OPCML: variants seen among roughly 807,000 people sequenced by gnomAD.
OPCML encodes opioid-binding protein/cell adhesion molecule.
Under a neutral mutation model 37.8 loss-of-function variants are expected in OPCML, and 13 were observed. That is an observed-to-expected ratio of 0.34 (90% CI 0.22 to 0.55). The LOEUF is 0.55. Ranked by LOEUF, OPCML falls within the 20% of genes least tolerant of loss-of-function variation. The probability of loss-of-function intolerance (pLI) is 0.91; values close to 1 mark genes in which losing one functional copy is unlikely to be tolerated. For synonymous variants in OPCML, 176 were observed against 168.8 expected (o/e 1.04, Z -0.33); for missense variants, 341 against 435.6 (o/e 0.78, Z 1.93).
chr11:133,133,773 C>T lies in OPCML; in HGVS notation c.62-190763G>A, dbSNP rs75852927. Among the ~76,000 whole-genome samples, 31 of 152,242 alleles carry T rather than the reference C, an allele frequency of 2.0e-4. No homozygotes were observed. In the East Asian group the frequency reaches 4.6e-3, roughly 23 times the overall value. On this transcript the variant is annotated intron_variant, in intron 1 of 7. Coordinates refer to ENST00000524381, the MANE Select transcript of OPCML (RefSeq NM_001012393.5). ...GCCTTGCCAGCCCCTTTCCCATCCA[C>T]GAGTTGCCTGTGCTCAGTGAAAATG...
Position 132,420,363 on chromosome 11 carries a change from C to T in OPCML, c.917-70G>A, listed in dbSNP as rs988155158. On this transcript the variant is annotated intron_variant, in intron 7 of 7. Transcript: ENST00000524381. Reference sequence around the variant, plus strand: ...GACACCATAGTTCTTCCCTGACAAGCAAATACACATACATGCTTCCCACCT... The same window carrying T: ...GACACCATAGTTCTTCCCTGACAAGTAAATACACATACATGCTTCCCACCT... The T allele has an allele frequency of 1.6e-5, 25 of 1,581,876 alleles. No homozygotes were observed. In the Admixed American group the frequency reaches 2.5e-4, roughly 16 times the overall value.
chr11:133,219,449 T>C (rs544428), intron 1 of OPCML, among the ~76,000 whole-genome samples: 50,737 of 151,874 alleles, frequency 0.33, 9,274 homozygotes, highest in African/African-American at 0.47. Context: ...TTGCCTAATC[T>C]AGTTAATAAA....
intron 1 of OPCML, among the ~76,000 whole-genome samples, chr11:133,237,263 T>A (rs1044407636): frequency 6.6e-6 from 1 of 152,224 alleles, no homozygotes; most frequent in Non-Finnish European, 1.5e-5. Flanking sequence ...CCAGAATTTG[T>A]ACACCCTGGG....
At chr11:133,037,251 T>C (rs1947799581) in intron 1 of OPCML, among the ~76,000 whole-genome samples, 2 of 152,356 alleles carry the variant, frequency 1.3e-5, no homozygotes, top group South Asian at 2.1e-4. Flanking sequence ...TGAGGACTTA[T>C]ATCATTCTGG....
chr11:133,223,145 G>C (rs1478002254), intron 1 of OPCML, among the ~76,000 whole-genome samples: 1 of 152,234 alleles, frequency 6.6e-6, no homozygotes, highest in Non-Finnish European at 1.5e-5. Context: ...CCAGAAGGAA[G>C]TGTCTCAATT....
chr11:133,457,551 T>C (rs1438826144), intron 1 of OPCML, among the ~76,000 whole-genome samples: 1 of 151,976 alleles, frequency 6.6e-6, no homozygotes, highest in Non-Finnish European at 1.5e-5. Flanking sequence ...TGGCCTCTTT[T>C]TATTTTTTTA....
intron 1 of OPCML, among the ~76,000 whole-genome samples, chr11:133,363,851 G>C (rs528184040): frequency 6.6e-6 from 1 of 152,280 alleles, no homozygotes; most frequent in East Asian, 1.9e-4. Context: ...ACTTGTCTCT[G>C]TTGGTTTAGC....
intron 4 of OPCML, among the ~76,000 whole-genome samples, chr11:132,513,641 C>A (rs2096273721): frequency 6.6e-6 from 1 of 152,104 alleles, no homozygotes; most frequent in Admixed American, 6.6e-5. Flanking sequence ...TAGAATATTT[C>A]TCTTTGCCTC....
At chr11:133,204,325 G>T (rs1246052238) in intron 1 of OPCML, among the ~76,000 whole-genome samples, 1 of 152,058 alleles carries the variant, frequency 6.6e-6, no homozygotes, top group Non-Finnish European at 1.5e-5. Context: ...CACATGAGTG[G>T]GTAGTTCCTC....
chr11:133,345,318 T>C (rs1334841590), intron 1 of OPCML, among the ~76,000 whole-genome samples: 2 of 152,240 alleles, frequency 1.3e-5, no homozygotes, highest in Non-Finnish European at 2.9e-5. Flanking sequence ...AGCAGCCAAA[T>C]GTATTTAGAA....
At chr11:132,942,665 G>A (rs1170917640) in intron 2 of OPCML, among the ~76,000 whole-genome samples, 2 of 152,284 alleles carry the variant, frequency 1.3e-5, no homozygotes, top group African/African-American at 4.8e-5. Flanking sequence ...CTAGCCTGTC[G>A]TGGCTTCAAA....
chr11:133,172,361 G>C (rs1405719055), intron 1 of OPCML, among the ~76,000 whole-genome samples: 6 of 152,206 alleles, frequency 3.9e-5, no homozygotes, highest in African/African-American at 1.4e-4. Flanking sequence ...AGGCCTGTCA[G>C]AGAAGCATGA....
At chr11:132,808,635 G>C (rs1033089965) in intron 2 of OPCML, among the ~76,000 whole-genome samples, 1 of 152,174 alleles carries the variant, frequency 6.6e-6, no homozygotes, top group African/African-American at 2.4e-5. Context: ...CTGTGAGCGG[G>C]TATGACTGTC....
chr11:133,209,949 T>C (rs1332935430), intron 1 of OPCML, among the ~76,000 whole-genome samples: 1 of 152,224 alleles, frequency 6.6e-6, no homozygotes, highest in Non-Finnish European at 1.5e-5. Flanking sequence ...GAAGCAACTG[T>C]TGTGATGAGT....
At chr11:132,493,963 C>G (rs939671917) in intron 4 of OPCML, among the ~76,000 whole-genome samples, 3 of 152,198 alleles carry the variant, frequency 2.0e-5, no homozygotes, top group Admixed American at 6.5e-5. Flanking sequence ...CGGGCAACCT[C>G]TGCTGGAGCT....
chr11:132,744,424 G>A (rs1411090161), intron 2 of OPCML, among the ~76,000 whole-genome samples: 2 of 152,130 alleles, frequency 1.3e-5, no homozygotes, highest in East Asian at 3.9e-4. Flanking sequence ...GTTCTTTCTA[G>A]TATTTCAACT....
intron 3 of OPCML, among the ~76,000 whole-genome samples, chr11:132,598,450 C>A (rs73041762): frequency 6.6e-6 from 1 of 151,972 alleles, no homozygotes; most frequent in Non-Finnish European, 1.5e-5. Context: ...TAATTTCCAA[C>A]GCACGCCATT....
chr11:132,974,100 TC>T (rs1176402159), intron 1 of OPCML, among the ~76,000 whole-genome samples: 2 of 152,238 alleles, frequency 1.3e-5, no homozygotes, highest in Admixed American at 1.3e-4. Context: ...TTTTATCCCA[TC>T]TTGATGTCTC....
chr11:132,420,972 A>AT (rs1409462413), intron 7 of OPCML, among the ~76,000 whole-genome samples: 1 of 134,546 alleles, frequency 7.4e-6, no homozygotes, highest in African/African-American at 3.3e-5. Flanking sequence ...CTCTCCCTTG[A>AT]TTTTTTTCTA....
Sources: allele counts gnomAD v4.1 joint callset (sites outside exome capture counted in the v4.1 genomes callset), GRCh38; gene constraint gnomAD v4.1.1; transcripts MANE v1.5; gene names NCBI Gene and HGNC (gene_info 2026-07-23, HGNC 2026-07-21).